ABCA3: variants seen among roughly 807,000 people sequenced by gnomAD.
The protein encoded by ABCA3 is phospholipid-transporting ATPase ABCA3.
In ABCA3, 88 loss-of-function variants were observed where a neutral mutation model predicts 172.8. That is an observed-to-expected ratio of 0.51 (90% CI 0.43 to 0.61). The LOEUF (loss-of-function observed/expected upper bound fraction) is 0.61. Ranked by LOEUF, ABCA3 falls within the 20% of genes least tolerant of loss-of-function variation. The pLI is 0.00. For synonymous variants in ABCA3, 1,066 were observed against 983.8 expected (o/e 1.08, Z -1.56); for missense variants, 2,164 against 2,301.0 (o/e 0.94, Z 1.22).
At chr16:2,334,991 G>A (rs989428427) in intron 1 of ABCA3, among the ~76,000 whole-genome samples, 39 of 151,376 alleles carry the variant, frequency 2.6e-4, no homozygotes, top group Non-Finnish European at 5.2e-4. Flanking sequence ...ACCACGCCCA[G>A]CTAATTTTTG....
At position 2,284,760 on chromosome 16, in the gene ABCA3, G is replaced by A; in HGVS notation, c.3703+19C>T. The stretch of plus-strand genomic sequence containing the variant: ...CCGTGGATGGCCATGGGGGCTGCGG[G>A]TGGTCTCCAGGTGCCCACCTGGGAT... On this transcript the variant is annotated intron_variant, in intron 24 of 32. Coordinates refer to ENST00000301732, the MANE Select transcript of ABCA3 (RefSeq NM_001089.3). This position sits in a 1 kb window ranked among gnomAD's most constrained non-coding sequence, Gnocchi z 5.9. The A allele has an allele frequency of 1.2e-6, 2 of 1,610,304 alleles. No homozygotes were observed. The highest frequency in any genetic ancestry group is 1.7e-6 in the Non-Finnish European group (2 of 1,178,444).
At chr16:2,325,545 T>C (rs557755041) in intron 5 of ABCA3, among the ~76,000 whole-genome samples, 34 of 152,292 alleles carry the variant, frequency 2.2e-4, no homozygotes, top group African/African-American at 6.7e-4. Context: ...AGCAAAAACC[T>C]CACTTTCTTT....
chr16:2,323,575 A>T lies in ABCA3; in HGVS notation c.561T>A (p.Leu187=), dbSNP rs775544443. The part of the protein sequence containing the change: ...EGWHTTSLFP[L]FPNPGPREPT... The stretch of plus-strand genomic sequence containing the variant: ...GTTCCCTTGGTCCTGGGTTTGGGAA[A>T]AGCGGGAAAAGGGAAGTAGTGTGCC... The change falls in exon 7 of 33, where the codon CTT becomes CTA. Residue 187 remains leucine (L), a synonymous_variant. Transcript: ENST00000301732. The T allele has an allele frequency of 6.2e-7, 1 of 1,614,206 alleles. No homozygotes were observed. Among genetic ancestry groups the T allele is most frequent in the South Asian group, 1.1e-5 (1 of 91,076 alleles).
rs2093665131 is a variant in ABCA3 at position 2,287,657 on chromosome 16, A to G, written c.3004+369T>C. 6.6e-6 allele frequency among the ~76,000 whole-genome samples: 1 copy of G among 152,218 alleles called. No individual in the cohort carries two copies. Among genetic ancestry groups the G allele is most frequent in the South Asian group, 2.1e-4 (1 of 4,832 alleles). On this transcript the variant is annotated intron_variant, in intron 21 of 32. Transcript: ENST00000301732. The surrounding 1 kb of genome is among the most constrained non-coding windows in gnomAD (Gnocchi z 4.1). ...ACTGTGGCCAGCATCATCACAAAGCAAAGGTAACTTGAAGTCACTATGCTT... is the reference window on the plus strand; with the variant it reads ...ACTGTGGCCAGCATCATCACAAAGCGAAGGTAACTTGAAGTCACTATGCTT...
intron 10 of ABCA3, among the ~76,000 whole-genome samples, chr16:2,309,144 C>T (rs1182116131): frequency 6.6e-6 from 1 of 152,178 alleles, no homozygotes; most frequent in Non-Finnish European, 1.5e-5. Context: ...GATAGGGTTT[C>T]ACCGTGTTAG....
chr16:2,293,050 T>G (rs2093674535), intron 18 of ABCA3, among the ~76,000 whole-genome samples: 1 of 151,484 alleles, frequency 6.6e-6, no homozygotes. Flanking sequence ...TTGAAATACC[T>G]TTTTTTTTCT....
Position 2,286,343 on chromosome 16 carries a change from A to G in ABCA3, c.3278+351T>C, listed in dbSNP as rs2093663103. On this transcript the variant is annotated intron_variant, in intron 22 of 32. Coordinates refer to ENST00000301732, the MANE Select transcript of ABCA3 (RefSeq NM_001089.3). The surrounding 1 kb of genome is among the most constrained non-coding windows in gnomAD (Gnocchi z 5.2). ...CCAAGTCCTGCTCTGCTCACCCTCC[A>G]TCACCTCAGCTCATGTGCCCAGCAG... Among the ~76,000 whole-genome samples the G allele has an allele frequency of 6.6e-6, 1 of 152,168 alleles. No homozygotes were observed. Among genetic ancestry groups the G allele is most frequent in the Non-Finnish European group, 1.5e-5 (1 of 68,028 alleles).
intron 10 of ABCA3, among the ~76,000 whole-genome samples, chr16:2,314,365 A>T (rs1343596115): frequency 6.6e-6 from 1 of 152,064 alleles, no homozygotes; most frequent in Non-Finnish European, 1.5e-5. Flanking sequence ...AGCCAGGCAC[A>T]GCATATAAAC....
chr16:2,324,830 C>A (rs2093731805), intron 5 of ABCA3, among the ~76,000 whole-genome samples: 1 of 152,156 alleles, frequency 6.6e-6, no homozygotes, highest in African/African-American at 2.4e-5. Flanking sequence ...CCACCACCCA[C>A]CCTGCAGTGG....
Position 2,297,915 on chromosome 16 carries a change from C to G in ABCA3, c.1903G>C (p.Gly635Arg). 1 of 1,613,682 alleles carries G rather than the reference C, an allele frequency of 6.2e-7. No homozygotes were observed. Among genetic ancestry groups the G allele is most frequent in the Non-Finnish European group, 8.5e-7 (1 of 1,180,040 alleles). Residue 635 changes from glycine (G) to arginine (R), a missense_variant, in exon 16 of 33, where the codon GGC (glycine) becomes CGC (arginine). By Grantham distance (125) the Gly-to-Arg change is moderately radical (BLOSUM62 -2). Around this residue, in one of 3 missense-constraint regions of ABCA3, gnomAD observed 1,343 missense variants for 1,369.6 expected, o/e 0.98. Transcript: ENST00000301732. This position sits in a 1 kb window ranked among gnomAD's most constrained non-coding sequence, Gnocchi z 5.6. ...TCAGGGCACTTCTGACGTGACAGGC[C>G]CTTCAGCTGCAACGACAGGGGACGC... The part of the protein sequence containing the change: ...EHLYFYAQLK[G>R]LSRQKCPEEV...
chr16:2,295,443 T>A (rs1741477863), intron 18 of ABCA3, 147 bp downstream of exon 18: 3 of 1,237,196 alleles, frequency 2.4e-6, no homozygotes, highest in Non-Finnish European at 2.3e-6. Flanking sequence ...TCATCTGGGC[T>A]GATGGTGCCC....
intron 10 of ABCA3, among the ~76,000 whole-genome samples, chr16:2,315,036 C>G (rs2093712770): frequency 6.7e-6 from 1 of 149,918 alleles, no homozygotes. Context: ...CGCCACCACA[C>G]CCGGCTAATT....
chr16:2,293,474 C>G (rs977899017), intron 18 of ABCA3, among the ~76,000 whole-genome samples: 3 of 148,666 alleles, frequency 2.0e-5, no homozygotes, highest in African/African-American at 7.4e-5. Flanking sequence ...CGGGCTCAAG[C>G]AATCCTCTCA....
Position 2,297,283 on chromosome 16 carries a change from G to A in ABCA3, c.2263+46C>T, listed in dbSNP as rs747991996. The A allele has an allele frequency of 1.9e-5, 30 of 1,596,286 alleles. No homozygotes were observed. The highest frequency in any genetic ancestry group is 2.2e-5 in the Non-Finnish European group (26 of 1,173,272). ...AAGGTAGCAGCCATTCCCTCAGCAC[G>A]GCAGCCAGGACACCGACCCTGTCGC... On this transcript the variant is annotated intron_variant, in intron 17 of 32. Transcript: ENST00000301732. This position sits in a 1 kb window ranked among gnomAD's most constrained non-coding sequence, Gnocchi z 5.6.
At chr16:2,295,107 CTGAT>C (rs988524123) in intron 18 of ABCA3, among the ~76,000 whole-genome samples, 1 of 152,148 alleles carries the variant, frequency 6.6e-6, no homozygotes, top group Non-Finnish European at 1.5e-5. Context: ...AATATCCAGA[CTGAT>C]AGATAGTGTC....
chr16:2,319,606 A>G lies in ABCA3; in HGVS notation c.848T>C (p.Val283Ala). Residue 283 changes from valine (V) to alanine (A), a missense_variant, in exon 8 of 33, where the codon GTG becomes GCG. Val to Ala is a moderately conservative substitution (Grantham distance 64). Around this residue, in one of 3 missense-constraint regions of ABCA3, gnomAD observed 1,343 missense variants for 1,369.6 expected, o/e 0.98. Transcript: ENST00000301732. ...YTALTIARAV[V>A]QEKERRLKEY... ...CTTCAGCCTCCTTTCCTTCTCCTGC[A>G]CGACAGCACGGGCAATGGTGAGCGC... The G allele has an allele frequency of 6.2e-7, 1 of 1,612,968 alleles. No individual in the cohort carries two copies. Among genetic ancestry groups the G allele is most frequent in the Non-Finnish European group, 8.5e-7 (1 of 1,180,006 alleles).
chr16:2,307,035 A>AAAG (rs1555488911), intron 11 of ABCA3, among the ~76,000 whole-genome samples: 8 of 147,870 alleles, frequency 5.4e-5, no homozygotes, highest in Non-Finnish European at 9.0e-5. Context: ...AAAAAAAAAA[A>AAAG]AAAAGAAAAG....
rs1359146804 is a variant in ABCA3, at chr16:2,328,494, C to A, written c.-68G>T. 2.0e-6 allele frequency: 1 copy of A among 512,198 alleles called. No homozygotes were observed. The highest frequency in any genetic ancestry group is 3.9e-6 in the Non-Finnish European group (1 of 256,954). The allele number at this position is 512,198 out of a possible 1,614,324, so 31.7% of individuals were successfully genotyped here. A position where few individuals can be genotyped will look rare whatever the true frequency, so the allele number is the denominator to read the frequency against. Reference sequence around the variant, plus strand: ...TGGTCTGAGTAAGTTCAAGTAGGCGCTGCAACCCGCAGGAAATAGGAGAAA... The same window carrying A: ...TGGTCTGAGTAAGTTCAAGTAGGCGATGCAACCCGCAGGAAATAGGAGAAA... On this transcript the variant is annotated 5_prime_UTR_variant, in exon 3 of 33. Transcript: ENST00000301732.
intron 19 of ABCA3, 112 bp from the exon 20 acceptor site, chr16:2,289,732 C>T: frequency 1.8e-6 from 2 of 1,108,392 alleles, no homozygotes; most frequent in Non-Finnish European, 2.6e-6. Flanking sequence ...CCTTGGCTTG[C>T]TCATGCATCT....
Sources: allele counts gnomAD v4.1 joint callset (sites outside exome capture counted in the v4.1 genomes callset), GRCh38; gene constraint gnomAD v4.1.1; regional missense constraint gnomAD v4.1.1; non-coding constraint Gnocchi (gnomAD v3.1); transcripts MANE v1.5; gene names NCBI Gene and HGNC (gene_info 2026-07-23, HGNC 2026-07-21).